The following PTOV1 variants were observed in gnomAD, a reference collection of about 807,000 sequenced individuals.
PTOV1 encodes the protein PTOV1 extended AT-hook containing adaptor protein, also known as prostate tumor-overexpressed gene 1 protein.
In PTOV1, 20 loss-of-function variants were observed where a neutral mutation model predicts 58.0. The observed-to-expected ratio is 0.34, with a 90% confidence interval of 0.24 to 0.50. The LOEUF is 0.50. Ranked by LOEUF, PTOV1 falls within the 20% of genes least tolerant of loss-of-function variation. PTOV1 has a pLI of 0.98. For synonymous variants in PTOV1, 335 were observed against 234.2 expected, an observed-to-expected ratio of 1.43 and a Z score of -3.93; for missense variants, 593 against 565.4, an observed-to-expected ratio of 1.05 and a Z score of -0.50.
At chr19:49,860,628 A>G (rs2074716352) in exon 12 of PTOV1, 1 of 477,768 alleles carries the variant, frequency 2.1e-6, no homozygotes, top group Non-Finnish European at 3.7e-6. Context: ...CACGCTTCTG[A>G]GCAGGGGCCC....
intron 9 of PTOV1, 92 bp downstream of exon 9, chr19:49,858,206 A>G: frequency 6.8e-7 from 1 of 1,477,400 alleles, no homozygotes; most frequent in Non-Finnish European, 9.1e-7. Context: ...AGGTGGCCTG[A>G]GCTGGCTGTG....
chr19:49,850,752 G>A (rs914822648), upstream of PTOV1: 5 of 1,150,226 alleles, frequency 4.3e-6, no homozygotes, highest in Non-Finnish European at 4.9e-6. Flanking sequence ...TCAGGCTCGG[G>A]TGCAATCCGT....
chr19:49,854,389 C>T lies in PTOV1; in HGVS notation c.172-17C>T, dbSNP rs779922272. 3.1e-6 allele frequency: 5 copies of T among 1,601,434 alleles called. No homozygotes were observed. Among genetic ancestry groups the T allele is most frequent in the Non-Finnish European group, 4.3e-6 (5 of 1,172,840 alleles). On this transcript the variant is annotated splice_polypyrimidine_tract_variant and intron_variant, in intron 1 of 11. Transcript: ENST00000391842. ...CCCCGGCCTCAGTTTTCCCACCTAT[C>T]CCCCACTCCATTGCAGGAAGGTGCT...
chr19:49,860,389 G>GGGCCCCGGGAC, exon 12 of PTOV1: 1 of 1,203,046 alleles, frequency 8.3e-7, no homozygotes, highest in East Asian at 2.7e-5. Context: ...TGTGGGGGGG[G>GGGCCCCGGGAC]TGGGGTTGGG....
intron 5 of PTOV1, 162 bp downstream of exon 5, chr19:49,855,239 C>T (rs2062095193): frequency 4.5e-6 from 3 of 664,878 alleles, no homozygotes; most frequent in African/African-American, 1.8e-5. Flanking sequence ...CTCCAGGCAC[C>T]CTCCGTAGAG....
exon 1 of PTOV1, chr19:49,851,370 G>A (rs2074237926): frequency 8.8e-7 from 1 of 1,133,428 alleles, no homozygotes; most frequent in South Asian, 4.3e-5. Flanking sequence ...CCGGCGCCGG[G>A]GGCCCCCTCG....
At chr19:49,852,130 A>T in intron 1 of PTOV1, 1 of 947,686 alleles carries the variant, frequency 1.1e-6, no homozygotes, top group Non-Finnish European at 1.3e-6. Flanking sequence ...AGAAACCGTA[A>T]GGTTTACCTG....
At chr19:49,857,877 G>A (rs770921533) in intron 7 of PTOV1, 27 bp from the exon 8 acceptor site, 7 of 1,612,892 alleles carry the variant, frequency 4.3e-6, no homozygotes, top group South Asian at 1.1e-5. Context: ...CAGCCCTGAG[G>A]GCTCCTCTTT....
At chr19:49,857,183 T>C (rs2074509542) in intron 6 of PTOV1, 53 bp downstream of exon 6, 2 of 1,600,706 alleles carry the variant, frequency 1.2e-6, no homozygotes, top group Admixed American at 1.7e-5. Flanking sequence ...TAGACCCCAC[T>C]GCCCTGGTTG....
exon 11 of PTOV1, chr19:49,860,124 A>G (rs755928972): frequency 1.7e-5 from 28 of 1,614,072 alleles, no homozygotes; most frequent in Non-Finnish European, 2.2e-5. Context: ...CCGGCGTGTC[A>G]TTGCCAACCA....
exon 9 of PTOV1, chr19:49,858,070 T>C (rs2074560867): frequency 6.2e-7 from 1 of 1,614,024 alleles, no homozygotes; most frequent in Non-Finnish European, 8.5e-7. Flanking sequence ...GACCGAGCAG[T>C]GGCCAAGGAA....
chr19:49,857,332 G>A, intron 6 of PTOV1: 1 of 726,246 alleles, frequency 1.4e-6, no homozygotes, highest in Non-Finnish European at 2.2e-6. Flanking sequence ...AGGGCTGGAG[G>A]GTGGGTCTTG....
At chr19:49,852,323 A>G (rs1374412352) in intron 1 of PTOV1, 2 of 153,174 alleles carry the variant, frequency 1.3e-5, no homozygotes, top group Admixed American at 1.3e-4. Flanking sequence ...AAACATGGAT[A>G]CCGAGACTTA....
chr19:49,851,415 G>A, exon 1 of PTOV1: 53 of 1,204,594 alleles, frequency 4.4e-5, no homozygotes, highest in Non-Finnish European at 5.4e-5. Context: ...CCCTCGTGGT[G>A]CGCGCCGTCC....
At chr19:49,857,444 C>T (rs373330592) in intron 6 of PTOV1, 27 of 608,634 alleles carry the variant, frequency 4.4e-5, no homozygotes, top group Middle Eastern at 8.8e-4. Flanking sequence ...CTGGTCATGC[C>T]TTGCCAGTTG....
exon 11 of PTOV1, chr19:49,860,142 G>C: frequency 5.6e-6 from 9 of 1,614,198 alleles, no homozygotes; most frequent in Non-Finnish European, 7.6e-6. Context: ...CCAGCAGCAG[G>C]TCCTGCAGCG....
At chr19:49,857,527 G>C in intron 6 of PTOV1, 166 bp from the exon 7 acceptor site, 1 of 682,726 alleles carries the variant, frequency 1.5e-6, no homozygotes, top group Non-Finnish European at 2.6e-6. Context: ...AGCCATGGGG[G>C]GCTGTGAGCA....
At chr19:49,854,324 G>A (rs919450622) in intron 1 of PTOV1, 82 bp from the exon 2 acceptor site, 20 of 1,514,202 alleles carry the variant, frequency 1.3e-5, no homozygotes, top group South Asian at 3.8e-5. Flanking sequence ...ATATTGGGAC[G>A]TCCCCTCTGG....
chr19:49,859,848 C>T, intron 10 of PTOV1, 138 bp from the exon 11 acceptor site: 3 of 930,214 alleles, frequency 3.2e-6, no homozygotes, highest in Non-Finnish European at 5.0e-6. Flanking sequence ...GGGGGCCCAC[C>T]TCCAGGGTGG....
Sources: gnomAD v4.1 joint callset for allele counts on GRCh38, gnomAD v4.1.1 for gene constraint, MANE v1.5 for transcripts, NCBI Gene and HGNC (gene_info 2026-07-23, HGNC 2026-07-21) for gene names.